The following NEDD9 variants were observed in gnomAD, a reference collection of about 807,000 sequenced individuals.
NEDD9 encodes neural precursor cell expressed, developmentally down-regulated 9, also known as enhancer of filamentation 1.
A neutral mutation model predicts 76.6 loss-of-function variants in NEDD9; 26 were observed. The ratio of observed to expected loss-of-function variants is 0.34; its 90% CI spans 0.25 to 0.47. NEDD9 has a LOEUF of 0.47. Ranked by LOEUF, NEDD9 falls within the 20% of genes least tolerant of loss-of-function variation. NEDD9 has a pLI of 1.00. For missense variants in NEDD9, 937 were observed against 1,058.5 expected (o/e 0.89, Z 1.59); for synonymous variants, 392 against 414.2 (o/e 0.95, Z 0.65).
chr6:11,294,563 C>T (rs1760848775), intron 3 of NEDD9, among the ~76,000 whole-genome samples: 1 of 152,172 alleles, frequency 6.6e-6, no homozygotes, highest in African/African-American at 2.4e-5. Flanking sequence ...GCCATGTTTC[C>T]TGTACCGCCT....
Position 11,189,287 on chromosome 6 carries a change from G to A in NEDD9, c.1905+677C>T, listed in dbSNP as rs193296200. Among the ~76,000 whole-genome samples, 41 of 152,312 alleles carry A rather than the reference G, an allele frequency of 2.7e-4. No individual in the cohort carries two copies. The East Asian group carries it at 3.1e-3, about 11-fold the overall frequency. On this transcript the variant is annotated intron_variant, in intron 5 of 6. Transcript: ENST00000379446. ...CCTCAAAGTGGAAGGGAAAGCTGTC[G>A]GAATCCCAGGTCAACTTGGAGCTTG...
chr6:11,272,158 T>C (rs1760321276), intron 3 of NEDD9, among the ~76,000 whole-genome samples: 1 of 152,162 alleles, frequency 6.6e-6, no homozygotes, highest in Admixed American at 6.5e-5. Flanking sequence ...TGGTTTACCT[T>C]TTCTCTCGTG....
intron 1 of NEDD9, among the ~76,000 whole-genome samples, chr6:11,220,889 T>C (rs1166102647): frequency 1.3e-5 from 2 of 152,200 alleles, no homozygotes; most frequent in Non-Finnish European, 2.9e-5. Flanking sequence ...ATTCATATGC[T>C]AGGATTTGTT....
chr6:11,260,883 CGTGTGTGAGCCTGTGT>C (rs1286044457), intron 3 of NEDD9, among the ~76,000 whole-genome samples: 1 of 144,184 alleles, frequency 6.9e-6, no homozygotes, highest in Admixed American at 6.8e-5. Flanking sequence ...TGTGTGAGCA[CGTGTGTGAGCCTGTGT>C]GTGTGTGTGT....
At chr6:11,237,535 G>A (rs373940469), upstream of NEDD9, among the ~76,000 whole-genome samples, 19 of 152,196 alleles carry the variant, frequency 1.2e-4, no homozygotes, top group Middle Eastern at 3.4e-3. The surrounding 1 kb of genome is among the most constrained non-coding windows in gnomAD (Gnocchi z 4.9). Flanking sequence ...GCATCTATGA[G>A]CCAAGAATAG....
intron 2 of NEDD9, among the ~76,000 whole-genome samples, chr6:11,201,280 C>T (rs111360549): frequency 3.9e-5 from 6 of 152,298 alleles, no homozygotes; most frequent in African/African-American, 1.2e-4. Flanking sequence ...CTAAGGGAAG[C>T]GGGAAGGGAG....
chr6:11,258,144 A>G (rs747205820), intron 3 of NEDD9, among the ~76,000 whole-genome samples: 4 of 152,184 alleles, frequency 2.6e-5, no homozygotes, highest in Non-Finnish European at 2.9e-5. Flanking sequence ...GAGAAACTCA[A>G]ATTTTATCAC....
At chr6:11,342,895 G>A (rs1762300136) in intron 1 of NEDD9, among the ~76,000 whole-genome samples, 1 of 152,184 alleles carries the variant, frequency 6.6e-6, no homozygotes, top group Non-Finnish European at 1.5e-5. Flanking sequence ...TAAATTCTAG[G>A]ACAGGAAAAA....
chr6:11,346,921 C>A (rs935539817), intron 1 of NEDD9, among the ~76,000 whole-genome samples: 1 of 152,122 alleles, frequency 6.6e-6, no homozygotes, highest in African/African-American at 2.4e-5. Context: ...GAAAGGTCAG[C>A]CAGCTTCTCC....
Position 11,312,692 on chromosome 6 carries a change from T to TTATATA in NEDD9, c.-152-6543_-152-6538dup, listed in dbSNP as rs111434917. Among the ~76,000 whole-genome samples the TTATATA allele has an allele frequency of 4.5e-5, 3 of 65,946 alleles. No individual in the cohort carries two copies. In the South Asian group the frequency reaches 1.9e-3, roughly 42 times the overall value. The allele number at this position is 65,946 out of a possible 152,430, so 43.3% of individuals were successfully genotyped here. On this transcript the variant is annotated intron_variant, in intron 2 of 3. Coordinates refer to the NEDD9 transcript ENST00000397378. ...GTATTATAATTTTATATTATATATA[T>TTATATA]TATATATATATATATATATTTTTAA...
intron 2 of NEDD9, among the ~76,000 whole-genome samples, chr6:11,312,218 C>T (rs565516994): frequency 1.3e-5 from 2 of 152,264 alleles, no homozygotes; most frequent in South Asian, 4.2e-4. Context: ...AAGACACACC[C>T]CATCTGTTAA....
intron 4 of NEDD9, 85 bp from the exon 5 acceptor site, chr6:11,191,290 G>T: frequency 6.9e-7 from 1 of 1,452,712 alleles, no homozygotes; most frequent in Non-Finnish European, 9.1e-7. Context: ...CCTATTTGCT[G>T]GCACTTTTTC....
At chr6:11,346,465 GA>G (rs1194490726) in intron 1 of NEDD9, among the ~76,000 whole-genome samples, 2 of 128,100 alleles carry the variant, frequency 1.6e-5, no homozygotes, top group Non-Finnish European at 3.4e-5. Context: ...ACTGTTATAA[GA>G]AGGCTCGGAG....
At chr6:11,365,906 A>G (rs1762755227) in intron 1 of NEDD9, among the ~76,000 whole-genome samples, 1 of 152,082 alleles carries the variant, frequency 6.6e-6, no homozygotes, top group South Asian at 2.1e-4. Flanking sequence ...CTGGAGAATC[A>G]CTTGAGCCCA....
intron 3 of NEDD9, among the ~76,000 whole-genome samples, chr6:11,265,424 GACTTTA>G (rs1300724787): frequency 1.3e-5 from 2 of 152,110 alleles, no homozygotes; most frequent in Non-Finnish European, 2.9e-5. Context: ...GTATTTTCTG[GACTTTA>G]ACTTATTTTG....
At chr6:11,255,125 G>A (rs6457200) in intron 3 of NEDD9, among the ~76,000 whole-genome samples, 68,581 of 152,068 alleles carry the variant, frequency 0.45, 16,855 homozygotes, top group African/African-American at 0.63. Flanking sequence ...TAGGAGATGA[G>A]AGAAGGGTTC....
At chr6:11,288,276 C>A (rs751213959) in intron 3 of NEDD9, among the ~76,000 whole-genome samples, 106 of 152,324 alleles carry the variant, frequency 7.0e-4, no homozygotes, top group Non-Finnish European at 1.1e-3. Context: ...AAAGAGTACA[C>A]CCTGGTCTAA....
chr6:11,300,181 C>T (rs182553218), intron 3 of NEDD9, among the ~76,000 whole-genome samples: 2 of 152,252 alleles, frequency 1.3e-5, no homozygotes, highest in African/African-American at 4.8e-5. Context: ...CCTGATGGAG[C>T]TGAAAACCAC....
chr6:11,369,515 G>T (rs1163303461), intron 1 of NEDD9, among the ~76,000 whole-genome samples: 1 of 152,154 alleles, frequency 6.6e-6, no homozygotes, highest in Non-Finnish European at 1.5e-5. Context: ...GATTGTGCAC[G>T]TGTACACACA....
Sources: allele counts gnomAD v4.1 joint callset (sites outside exome capture counted in the v4.1 genomes callset), GRCh38; gene constraint gnomAD v4.1.1; non-coding constraint Gnocchi (gnomAD v3.1); transcripts MANE v1.5; gene names NCBI Gene and HGNC (gene_info 2026-07-23, HGNC 2026-07-21).